Variants in CNTN6 observed in about 807,000 individuals in gnomAD.
The protein encoded by CNTN6 is contactin-6.
In CNTN6, 137 loss-of-function variants were observed where a neutral mutation model predicts 122.8. The observed-to-expected ratio is 1.12, with a 90% CI of 0.97 to 1.29. CNTN6 has a LOEUF of 1.29. Ranked by LOEUF, CNTN6 falls within the 50% of genes most tolerant of loss-of-function variation. The pLI is 0.00. For missense variants in CNTN6, 1,634 were observed against 1,223.4 expected (o/e 1.34, Z -5.01); for synonymous variants, 570 against 426.0 (o/e 1.34, Z -4.16).
chr3:1,189,696 C>A (rs927324777), intron 2 of CNTN6, among the ~76,000 whole-genome samples: 3 of 152,126 alleles, frequency 2.0e-5, no homozygotes, highest in African/African-American at 7.2e-5. Flanking sequence ...TTAGTACTAA[C>A]TGCAATGAGA....
chr3:1,145,316 A>G (rs1328886182), intron 1 of CNTN6, among the ~76,000 whole-genome samples: 2 of 152,176 alleles, frequency 1.3e-5, no homozygotes, highest in Non-Finnish European at 2.9e-5. Context: ...TTTTTACAAA[A>G]TATTATAGCC....
chr3:1,361,689 A>C (rs1707485212), intron 12 of CNTN6, among the ~76,000 whole-genome samples: 2 of 152,132 alleles, frequency 1.3e-5, no homozygotes, highest in South Asian at 2.1e-4. Context: ...TGTCTTAACT[A>C]GTTGAAGTAA....
intron 7 of CNTN6, among the ~76,000 whole-genome samples, chr3:1,308,060 A>G (rs534750647): frequency 2.0e-4 from 30 of 152,256 alleles, no homozygotes; most frequent in South Asian, 8.3e-4. Context: ...TAATGAGACT[A>G]TAGAATTCTT....
chr3:1,115,487 T>G (rs9848638), intron 1 of CNTN6, among the ~76,000 whole-genome samples: 9 of 152,120 alleles, frequency 5.9e-5, no homozygotes, highest in African/African-American at 2.2e-4. Context: ...CGGTGGCTCA[T>G]GCCTGTAATC....
At chr3:1,276,644 G>A (rs1467818035) in intron 4 of CNTN6, among the ~76,000 whole-genome samples, 1 of 152,114 alleles carries the variant, frequency 6.6e-6, no homozygotes, top group Non-Finnish European at 1.5e-5. Flanking sequence ...CATTCTGGAA[G>A]CAGTTCTTTC....
At position 1,403,688 on chromosome 3, in the gene CNTN6, A is replaced by G. The variant is rs529301841; in HGVS notation, c.*270A>G. The G allele has an allele frequency of 4.9e-5, 11 of 224,508 alleles. No individual in the cohort carries two copies. The highest frequency in any genetic ancestry group is 2.5e-4 in the African/African-American group (11 of 44,020). 13.9% of individuals were successfully genotyped at this position (224,508 alleles called of 1,614,324 possible). Reference sequence around the variant, plus strand: ...AACTGCTGTGTCTTTTAAGTTACTTATATGGAGAAAATAAATAACTCCCCT... The same window carrying G: ...AACTGCTGTGTCTTTTAAGTTACTTGTATGGAGAAAATAAATAACTCCCCT... On this transcript the variant is annotated 3_prime_UTR_variant, in exon 23 of 23. Coordinates refer to ENST00000446702, the MANE Select transcript of CNTN6 (RefSeq NM_001289080.2).
intron 2 of CNTN6, among the ~76,000 whole-genome samples, chr3:1,202,543 A>AAATAAAT (rs2093897003): frequency 7.9e-6 from 1 of 126,504 alleles, no homozygotes; most frequent in African/African-American, 3.0e-5. Flanking sequence ...TCCGTCTCAA[A>AAATAAAT]AAATAAATAA....
chr3:1,366,492 C>T (rs751967989), intron 12 of CNTN6, among the ~76,000 whole-genome samples: 2 of 152,118 alleles, frequency 1.3e-5, no homozygotes, highest in Non-Finnish European at 2.9e-5. Context: ...GAAGAAATCT[C>T]TCAGATGCTT....
intron 7 of CNTN6, among the ~76,000 whole-genome samples, chr3:1,305,544 T>C (rs989750782): frequency 6.6e-6 from 1 of 152,200 alleles, no homozygotes; most frequent in Non-Finnish European, 1.5e-5. Flanking sequence ...TGTAGTATGA[T>C]TGACTGATAG....
chr3:1,157,689 C>G (rs1252899288), intron 2 of CNTN6, among the ~76,000 whole-genome samples: 2 of 151,626 alleles, frequency 1.3e-5, no homozygotes, highest in Non-Finnish European at 2.9e-5. Context: ...CATCCTTCTA[C>G]TCTCTATCTC....
At chr3:1,366,852 C>T (rs959010894) in intron 12 of CNTN6, among the ~76,000 whole-genome samples, 3 of 152,116 alleles carry the variant, frequency 2.0e-5, no homozygotes, top group Non-Finnish European at 4.4e-5. Flanking sequence ...AGGCTACTCC[C>T]AGGAGGAACT....
At chr3:1,136,706 A>G (rs1331663472) in intron 1 of CNTN6, among the ~76,000 whole-genome samples, 1 of 152,120 alleles carries the variant, frequency 6.6e-6, no homozygotes, top group Non-Finnish European at 1.5e-5. Flanking sequence ...TTCAGATTTG[A>G]GCAAAATCTC....
At chr3:1,401,607 C>A in intron 21 of CNTN6, 62 bp downstream of exon 21, 1 of 1,147,838 alleles carries the variant, frequency 8.7e-7, no homozygotes, top group Non-Finnish European at 1.3e-6. Context: ...AAACATGTGA[C>A]ACCCAAATGG....
At chr3:1,298,061 A>G (rs1575599444) in intron 7 of CNTN6, 70 bp downstream of exon 7, 9 of 1,060,818 alleles carry the variant, frequency 8.5e-6, no homozygotes, top group Non-Finnish European at 1.3e-5. Context: ...CCTTTTTGTT[A>G]TTCATATATT....
intron 2 of CNTN6, among the ~76,000 whole-genome samples, chr3:1,216,981 T>C (rs11923396): frequency 0.013 from 2,055 of 152,326 alleles, 42 homozygotes; most frequent in African/African-American, 0.042. Flanking sequence ...ATGATGATGA[T>C]GATGCTGATG....
chr3:1,198,022 A>G (rs546666473), intron 2 of CNTN6, among the ~76,000 whole-genome samples: 3 of 152,278 alleles, frequency 2.0e-5, no homozygotes, highest in South Asian at 4.1e-4. Context: ...AGCTCTTTCC[A>G]CTGGACTTTG....
chr3:1,116,367 A>G (rs1228189722), intron 1 of CNTN6, among the ~76,000 whole-genome samples: 1 of 152,310 alleles, frequency 6.6e-6, no homozygotes, highest in East Asian at 1.9e-4. Flanking sequence ...ACGATTTTAT[A>G]GAGTACTTGA....
intron 11 of CNTN6, among the ~76,000 whole-genome samples, chr3:1,343,031 T>A (rs1026079202): frequency 6.6e-6 from 1 of 152,062 alleles, no homozygotes; most frequent in Non-Finnish European, 1.5e-5. Flanking sequence ...TCTTCCTCCT[T>A]CTCCTCAGCC....
intron 2 of CNTN6, among the ~76,000 whole-genome samples, chr3:1,197,843 G>T (rs1021798180): frequency 5.3e-4 from 81 of 152,254 alleles, no homozygotes; most frequent in Non-Finnish European, 9.3e-4. Flanking sequence ...CTCAAAGTCT[G>T]CTCTATTACG....
Sources: allele counts gnomAD v4.1 joint callset (sites outside exome capture counted in the v4.1 genomes callset), GRCh38; gene constraint gnomAD v4.1.1; transcripts MANE v1.5; gene names NCBI Gene and HGNC (gene_info 2026-07-23, HGNC 2026-07-21).